DDX46: variants seen among roughly 807,000 people sequenced by gnomAD.
DDX46 encodes the protein DEAD-box helicase 46.
In DDX46, 30 loss-of-function variants were observed where a neutral mutation model predicts 134.9. That is an observed-to-expected ratio of 0.22 (90% CI 0.17 to 0.30). DDX46 has a LOEUF of 0.30. DDX46 is among the 10% of genes least tolerant of loss of function. The pLI is 1.00. For missense variants in DDX46, 622 were observed against 1,248.7 expected, an observed-to-expected ratio of 0.50 and a Z score of 7.56; for synonymous variants, 415 against 404.1, an observed-to-expected ratio of 1.03 and a Z score of -0.32.
intron 13 of DDX46, among the ~76,000 whole-genome samples, chr5:134,792,439 G>C (rs1237198204): frequency 5.9e-5 from 9 of 152,134 alleles, no homozygotes; most frequent in Admixed American, 3.9e-4. Context: ...CTGAATATCT[G>C]TTTCTTCCAG....
intron 3 of DDX46, among the ~76,000 whole-genome samples, chr5:134,769,923 A>G (rs1458804196): frequency 6.6e-6 from 1 of 152,176 alleles, no homozygotes; most frequent in Non-Finnish European, 1.5e-5. Context: ...GGCCTCTCAA[A>G]GTGCTGAGAT....
At chr5:134,813,389 A>G (rs1450176247) in intron 18 of DDX46, among the ~76,000 whole-genome samples, 1 of 152,192 alleles carries the variant, frequency 6.6e-6, no homozygotes, top group Non-Finnish European at 1.5e-5. Flanking sequence ...GGCGCTCGTG[A>G]GATTGCAGTC....
At chr5:134,776,913 CAAA>C (rs59477051) in intron 5 of DDX46, among the ~76,000 whole-genome samples, 8 of 78,172 alleles carry the variant, frequency 1.0e-4, no homozygotes, top group Admixed American at 1.3e-4. Flanking sequence ...GACTCTGTCT[CAAA>C]AAAAAAAAAA....
chr5:134,830,494 T>C lies in DDX46; in HGVS notation c.*1788T>C, dbSNP rs1297366004. On this transcript the variant is annotated 3_prime_UTR_variant, in exon 23 of 23. Coordinates refer to ENST00000452510, the MANE Select transcript of DDX46 (RefSeq NM_001300860.2). Reference sequence around the variant, plus strand: ...CTTTCATTCTTTAAATATTATTGACTTACAGTTTAAAAATAAATAAATAAA... The same window carrying C: ...CTTTCATTCTTTAAATATTATTGACCTACAGTTTAAAAATAAATAAATAAA... 1 of 152,158 alleles carries C rather than the reference T, an allele frequency of 6.6e-6. No individual in the cohort carries two copies. Among genetic ancestry groups the C allele is most frequent in the African/African-American group, 2.4e-5 (1 of 41,430 alleles). 9.4% of individuals were successfully genotyped at this position (152,158 alleles called of 1,614,324 possible). A position where few individuals can be genotyped will look rare whatever the true frequency, so the allele number is the denominator to read the frequency against.
intron 15 of DDX46, among the ~76,000 whole-genome samples, chr5:134,797,494 T>TG (rs1045287750): frequency 6.6e-6 from 1 of 152,194 alleles, no homozygotes; most frequent in African/African-American, 2.4e-5. Context: ...TGGGCCCTTG[T>TG]GGGCCTCTCT....
In DDX46 at chr5:134,801,113, A is replaced by G. The variant is rs369914719; in HGVS notation, c.1954+4963A>G. ...AGTCTGGGCAGCATAGCAAGACCCCATCTCTATGAAAAAATTTAAAAACTA... is the reference window on the plus strand; with the variant it reads ...AGTCTGGGCAGCATAGCAAGACCCCGTCTCTATGAAAAAATTTAAAAACTA... On this transcript the variant is annotated intron_variant, in intron 15 of 22. Coordinates refer to ENST00000452510, the MANE Select transcript of DDX46 (RefSeq NM_001300860.2). Among the ~76,000 whole-genome samples, 232 of 152,230 alleles carry G rather than the reference A, an allele frequency of 1.5e-3. 2 individuals carry two copies. In the South Asian group the frequency reaches 0.022, roughly 15 times the overall value.
intron 21 of DDX46, among the ~76,000 whole-genome samples, chr5:134,823,630 T>C (rs993671387): frequency 6.6e-6 from 1 of 152,248 alleles, no homozygotes; most frequent in African/African-American, 2.4e-5. Flanking sequence ...TGGCATGCTT[T>C]TGTGTATCCT....
intron 12 of DDX46, among the ~76,000 whole-genome samples, chr5:134,789,701 T>C (rs1754448447): frequency 6.6e-6 from 1 of 152,186 alleles, no homozygotes; most frequent in Non-Finnish European, 1.5e-5. Context: ...AACTATTTTA[T>C]ACGTGTTTTT....
At chr5:134,776,819 A>G (rs1201330437) in intron 5 of DDX46, among the ~76,000 whole-genome samples, 1 of 151,404 alleles carries the variant, frequency 6.6e-6, no homozygotes, top group African/African-American at 2.4e-5. Flanking sequence ...AGGCTGAGGC[A>G]GGAGAATCGC....
At position 134,818,976 on chromosome 5, in the gene DDX46, C is replaced by G. The variant is rs375982249; in HGVS notation, c.2949C>G (p.Gly983=). ...YFPPGKEPKE[G]ERKIYLAIES... ...CTCCTGGCAAAGAACCCAAGGAAGG[C>G]GAGCGGAAGATTTACTTGGCAATTG... Residue 983 remains glycine, a synonymous_variant, in exon 21 of 23, where the codon GGC becomes GGG. Transcript: ENST00000452510. 3.5e-5 allele frequency: 57 copies of G among 1,613,394 alleles called. No individual in the cohort carries two copies. The highest frequency in any genetic ancestry group is 4.7e-5 in the Non-Finnish European group (55 of 1,179,778).
At chr5:134,782,617 C>T (rs188097416) in intron 8 of DDX46, among the ~76,000 whole-genome samples, 4 of 151,912 alleles carry the variant, frequency 2.6e-5, no homozygotes, top group Non-Finnish European at 4.4e-5. Context: ...TCCTACCACA[C>T]CCCCCGTTCC....
At chr5:134,826,872 C>T (rs1004337146) in intron 21 of DDX46, 75 bp from the exon 22 acceptor site, 2 of 1,449,580 alleles carry the variant, frequency 1.4e-6, no homozygotes, top group Non-Finnish European at 1.9e-6. Flanking sequence ...GTGTTTCTTC[C>T]TGGACCTCCG....
chr5:134,772,146 A>C (rs1251031268), intron 4 of DDX46, among the ~76,000 whole-genome samples: 1 of 151,868 alleles, frequency 6.6e-6, no homozygotes, highest in Non-Finnish European at 1.5e-5. Context: ...CAGGAGAATC[A>C]CTTGAACCTG....
At position 134,758,842 on chromosome 5, in the gene DDX46, G is replaced by C; in HGVS notation, c.-97G>C. On this transcript the variant is annotated 5_prime_UTR_variant, in exon 1 of 23. Transcript: ENST00000452510. The stretch of plus-strand genomic sequence containing the variant: ...GTAGGTGCTGCTAGTGTTTAGCGCT[G>C]GTCTTTGCCGGGCGTTGAGGGCAGC... 1 of 1,586,124 alleles carries C rather than the reference G, an allele frequency of 6.3e-7. No homozygotes were observed. Among genetic ancestry groups the C allele is most frequent in the Non-Finnish European group, 8.6e-7 (1 of 1,156,078 alleles).
chr5:134,803,030 C>G (rs1386741707), intron 15 of DDX46, among the ~76,000 whole-genome samples: 4 of 152,176 alleles, frequency 2.6e-5, no homozygotes, highest in African/African-American at 4.8e-5. Context: ...GAGTCTTGCT[C>G]TGTCTCCCAG....
At chr5:134,790,670 A>T in intron 13 of DDX46, 118 bp downstream of exon 13, 1 of 828,086 alleles carries the variant, frequency 1.2e-6, no homozygotes, top group Non-Finnish European at 1.9e-6. Context: ...TTGCACGGTA[A>T]TACAGAAGAC....
rs557674865 is a variant in DDX46 at position 134,792,074 on chromosome 5, G to C, written c.1626+1522G>C. Among the ~76,000 whole-genome samples the C allele has an allele frequency of 6.2e-4, 95 of 152,252 alleles. 1 individual carries two copies. Among genetic ancestry groups the C allele is most frequent in the Admixed American group, 3.5e-3 (53 of 15,286 alleles). ...CGCCTGTAATCCCAGCTACTTGGGA[G>C]GCTGAGTCAGGAGGATCACTTGAAC... On this transcript the variant is annotated intron_variant, in intron 13 of 22. Transcript: ENST00000452510.
rs569699020 is a variant in DDX46, at chr5:134,819,654, C to G, written c.2977+650C>G. Among the ~76,000 whole-genome samples, 368 of 152,068 alleles carry G rather than the reference C, an allele frequency of 2.4e-3. 1 individual carries two copies. The highest frequency in any genetic ancestry group is 8.3e-3 in the African/African-American group (346 of 41,462). ...AAGTGATCCTCCCACCTCAACACCCCCAAGTAGCTGGGACTACAGGAACAT... is the reference window on the plus strand; with the variant it reads ...AAGTGATCCTCCCACCTCAACACCCGCAAGTAGCTGGGACTACAGGAACAT... On this transcript the variant is annotated intron_variant, in intron 21 of 22. Transcript: ENST00000452510.
intron 11 of DDX46, 135 bp from the exon 12 acceptor site, chr5:134,788,377 GT>G (rs1754404847): frequency 1.5e-5 from 9 of 600,010 alleles, no homozygotes; most frequent in Non-Finnish European, 2.6e-5. Context: ...TTCTTTAGTA[GT>G]GCCCCGAGAT....
Sources: gnomAD v4.1 joint callset for allele counts (sites outside exome capture counted in the v4.1 genomes callset) on GRCh38, gnomAD v4.1.1 for gene constraint, MANE v1.5 for transcripts, NCBI Gene and HGNC (gene_info 2026-07-23, HGNC 2026-07-21) for gene names.